The following KIF24 variants were observed in gnomAD, a reference collection of about 807,000 sequenced individuals.
The protein encoded by KIF24 is kinesin family member 24.
Under a neutral mutation model 118.9 loss-of-function variants are expected in KIF24, and 81 were observed. The ratio of observed to expected loss-of-function variants is 0.68; its 90% confidence interval spans 0.57 to 0.82. The LOEUF (loss-of-function observed/expected upper bound fraction) is 0.82, where lower values mean the gene tolerates loss of function less well. Among genes scored for constraint, KIF24 ranks in the 40% least tolerant of loss-of-function variants. The pLI is 0.00. For synonymous variants in KIF24, 599 were observed against 610.0 expected, an observed-to-expected ratio of 0.98 and a Z score of 0.27; for missense variants, 1,560 against 1,661.6, an observed-to-expected ratio of 0.94 and a Z score of 1.06.
chr9:34,271,265 C>T (rs958049313), intron 7 of KIF24, among the ~76,000 whole-genome samples: 6 of 148,530 alleles, frequency 4.0e-5, no homozygotes, highest in Admixed American at 2.7e-4. Flanking sequence ...GACCACAATG[C>T]TAATCACTTA....
chr9:34,318,160 A>G lies in KIF24; in HGVS notation c.-25-6789T>C, dbSNP rs182366446. On this transcript the variant is annotated intron_variant, in intron 1 of 12. Coordinates refer to ENST00000402558, the MANE Select transcript of KIF24 (RefSeq NM_194313.4). This position sits in a 1 kb window ranked among gnomAD's most constrained non-coding sequence, Gnocchi z 4.9. ...GGTTTAACAAGATAAATACATGAAT[A>G]ATGCAGCCTGGGCAACATAGTGAGA... 1.3e-5 allele frequency among the ~76,000 whole-genome samples: 2 copies of G among 152,004 alleles called. No individual in the cohort carries two copies. Among genetic ancestry groups the G allele is most frequent in the East Asian group, 2.0e-4 (1 of 5,122 alleles).
intron 2 of KIF24, among the ~76,000 whole-genome samples, chr9:34,309,520 G>A (rs1312523461): frequency 4.5e-5 from 6 of 134,532 alleles, no homozygotes; most frequent in African/African-American, 1.7e-4. Context: ...CAGCCTGGGC[G>A]ACAGTGCGAG....
At position 34,306,376 on chromosome 9, in the gene KIF24, T is replaced by C. The variant is rs759755883; in HGVS notation, c.689A>G (p.Lys230Arg). The change falls in exon 3 of 13, where the codon AAA (lysine) becomes AGA (arginine). Residue 230 changes from lysine (K) to arginine (R), a missense_variant. Physicochemically the swap from Lys to Arg is conservative, Grantham distance 26. This residue lies in a region of KIF24 where 964 missense variants were observed against 988.0 expected (regional missense o/e 0.98). Transcript: ENST00000402558. ...TACCTCCCTCATGCCCAGGGGGCGT[T>C]TTCGAACACAAACTCTGATTTTCTC... ...EMEKIRVCVR[K>R]RPLGMREVRR... The C allele has an allele frequency of 1.2e-6, 2 of 1,612,978 alleles. No homozygotes were observed. The highest frequency in any genetic ancestry group is 2.7e-5 in the African/African-American group (2 of 74,890).
At position 34,257,451 on chromosome 9, in the gene KIF24, C is replaced by G. The variant is rs1456843622; in HGVS notation, c.2156G>C (p.Arg719Pro). 2 of 1,613,892 alleles carry G rather than the reference C, an allele frequency of 1.2e-6. No homozygotes were observed. Among genetic ancestry groups the G allele is most frequent in the African/African-American group, 2.7e-5 (2 of 74,924 alleles). The part of the protein sequence containing the change: ...VQPVQKQLVS[R>P]VELSFGNAHH... ...GGCGTTGCCAAAGGAGAGCTCAACT[C>G]GAGACACAAGCTGCTTCTGTACTGG... Residue 719 changes from arginine to proline, a missense_variant, in exon 11 of 13, where the codon CGA (arginine) becomes CCA (proline). Arg to Pro is a moderately radical substitution (Grantham distance 103). This residue lies in a region of KIF24 where 964 missense variants were observed against 988.0 expected (regional missense o/e 0.98). Coordinates refer to ENST00000402558, the MANE Select transcript of KIF24 (RefSeq NM_194313.4).
intron 8 of KIF24, among the ~76,000 whole-genome samples, chr9:34,263,929 G>A (rs888406966): frequency 1.3e-5 from 2 of 152,036 alleles, no homozygotes; most frequent in East Asian, 3.9e-4. Context: ...CAAAGGCAAA[G>A]GAATGTTCCT....
rs1051607170 is a variant in KIF24, at chr9:34,304,377, A to G, written c.813+1875T>C. ...GTGCCATGGAAACTATGGGTATTCA[A>G]TAAGTATTGACCAGTGGTAATGACA... On this transcript the variant is annotated intron_variant, in intron 3 of 12. Transcript: ENST00000402558. 5.3e-5 allele frequency among the ~76,000 whole-genome samples: 8 copies of G among 152,242 alleles called. No individual in the cohort carries two copies. The South Asian group carries it at 6.2e-4, about 12-fold the overall frequency.
chr9:34,305,995 T>A (rs981348230), intron 3 of KIF24, among the ~76,000 whole-genome samples: 9 of 152,146 alleles, frequency 5.9e-5, no homozygotes, highest in Admixed American at 3.9e-4. Context: ...GCATGTTAAG[T>A]GAATATATGA....
chr9:34,327,655 C>G (rs1290088811), intron 1 of KIF24, among the ~76,000 whole-genome samples: 1 of 151,876 alleles, frequency 6.6e-6, no homozygotes, highest in Non-Finnish European at 1.5e-5. Flanking sequence ...TGTGGTCTAC[C>G]TGACATCAAC....
At chr9:34,258,114 A>T in intron 10 of KIF24, 133 bp from the exon 11 acceptor site, 1 of 700,608 alleles carries the variant, frequency 1.4e-6, no homozygotes. Context: ...TCTGGGATAG[A>T]ATAAGAGGAA....
At chr9:34,322,741 C>G (rs567547655) in intron 1 of KIF24, among the ~76,000 whole-genome samples, 8 of 152,162 alleles carry the variant, frequency 5.3e-5, no homozygotes, top group Non-Finnish European at 8.8e-5. Flanking sequence ...TTAGTCACAG[C>G]TACTTGGGAG....
At chr9:34,268,756 C>A (rs937232445) in intron 8 of KIF24, among the ~76,000 whole-genome samples, 4 of 152,112 alleles carry the variant, frequency 2.6e-5, no homozygotes, top group African/African-American at 7.2e-5. Context: ...TATCCACCTG[C>A]CCTGGCCTCC....
At chr9:34,275,099 A>T (rs538059848) in intron 6 of KIF24, among the ~76,000 whole-genome samples, 39 of 152,302 alleles carry the variant, frequency 2.6e-4, no homozygotes, top group Non-Finnish European at 4.6e-4. Flanking sequence ...ACTATAGTCA[A>T]CAATATTTTA....
chr9:34,287,804 G>A (rs1239476036), intron 5 of KIF24, among the ~76,000 whole-genome samples: 1 of 151,974 alleles, frequency 6.6e-6, no homozygotes, highest in African/African-American at 2.4e-5. Context: ...GCTGAGGCAG[G>A]AGGATTGCTT....
chr9:34,257,584 T>C lies in KIF24; in HGVS notation c.2023A>G (p.Met675Val), dbSNP rs745574268. Reference protein sequence around the residue: ...SAPLCSEKNRMGNKTVLGWES... With the variant: ...SAPLCSEKNRVGNKTVLGWES... ...CACCCAAGGACAGTTTTGTTGCCCATTCGATTTTTCTCAGAGCACAATGGT... is the reference window on the plus strand; with the variant it reads ...CACCCAAGGACAGTTTTGTTGCCCACTCGATTTTTCTCAGAGCACAATGGT... The change falls in exon 11 of 13, where the codon ATG (methionine) becomes GTG (valine). Residue 675 changes from methionine to valine, a missense_variant. Transcript: ENST00000402558. 36 of 1,613,952 alleles carry C rather than the reference T, an allele frequency of 2.2e-5. No individual in the cohort carries two copies. The South Asian group carries it at 3.8e-4, about 17-fold the overall frequency.
chr9:34,264,579 T>C (rs1367254667), intron 8 of KIF24, among the ~76,000 whole-genome samples: 1 of 152,076 alleles, frequency 6.6e-6, no homozygotes, highest in Non-Finnish European at 1.5e-5. Context: ...TCCAAGAAGC[T>C]GCAGGGTATA....
chr9:34,253,396 C>CAGGCAG lies in KIF24; in HGVS notation c.*978_*983dup, dbSNP rs1000653400. The CAGGCAG allele has an allele frequency of 6.6e-6, 1 of 152,240 alleles. No homozygotes were observed. The highest frequency in any genetic ancestry group is 2.4e-5 in the African/African-American group (1 of 41,462). The allele number at this position is 152,240 out of a possible 1,614,324, so 9.4% of individuals were successfully genotyped here. A position where few individuals can be genotyped will look rare whatever the true frequency, so the allele number is the denominator to read the frequency against. On this transcript the variant is annotated 3_prime_UTR_variant, in exon 13 of 13. Transcript: ENST00000402558. Reference sequence around the variant, plus strand: ...TGCTTCCTGCTAAAAAGATACACAGCAGGCAGAACTTGGCTGAAGGTTTGT... The same window carrying CAGGCAG: ...TGCTTCCTGCTAAAAAGATACACAGCAGGCAGAGGCAGAACTTGGCTGAAGGTTTGT...
intron 1 of KIF24, among the ~76,000 whole-genome samples, chr9:34,325,458 T>TGAGGTGGGTGGATCACTTGAGGCC (rs1837645222): frequency 6.6e-6 from 1 of 151,856 alleles, no homozygotes; most frequent in Non-Finnish European, 1.5e-5. Flanking sequence ...TTTGGGAGGC[T>TGAGGTGGGTGGATCACTTGAGGCC]GAGGTGGGTG....
chr9:34,320,954 C>G (rs1004635680), intron 1 of KIF24, among the ~76,000 whole-genome samples: 3 of 152,020 alleles, frequency 2.0e-5, no homozygotes, highest in Non-Finnish European at 4.4e-5. Context: ...TATTTTTATT[C>G]ACTGTTTTCT....
intron 4 of KIF24, among the ~76,000 whole-genome samples, chr9:34,295,389 T>G (rs1003328051): frequency 6.6e-6 from 1 of 151,908 alleles, no homozygotes; most frequent in African/African-American, 2.4e-5. Context: ...AAAAAAAAAT[T>G]TTATAGACCA....
Sources: allele counts gnomAD v4.1 joint callset (sites outside exome capture counted in the v4.1 genomes callset), GRCh38; gene constraint gnomAD v4.1.1; regional missense constraint gnomAD v4.1.1; non-coding constraint Gnocchi (gnomAD v3.1); transcripts MANE v1.5; gene names NCBI Gene and HGNC (gene_info 2026-07-23, HGNC 2026-07-21).